SI: variants seen among roughly 807,000 people sequenced by gnomAD.
The protein encoded by SI is sucrase-isomaltase.
SI carries 235 observed loss-of-function variants against 253.3 expected under a neutral mutation model. That is an observed-to-expected ratio of 0.93 (90% CI 0.83 to 1.03). The LOEUF is 1.03. Among genes scored for constraint, SI ranks in the 50% least tolerant of loss-of-function variants. SI has a pLI of 0.00. For synonymous variants in SI, 819 were observed against 712.0 expected (o/e 1.15, Z -2.39); for missense variants, 2,442 against 2,211.1 (o/e 1.10, Z -2.09).
rs1444651507 is a variant in SI at position 165,006,918 on chromosome 3, G to C, written c.4304C>G (p.Thr1435Arg). Reference sequence around the variant, plus strand: ...AATCTGCTCAGCTTCCATGCAAATTGTTCTGAAATGTAATCCATCAGTTCT... The same window carrying C: ...AATCTGCTCAGCTTCCATGCAAATTCTTCTGAAATGTAATCCATCAGTTCT... ...TKRTDGLHFR[T>R]ICMEAEQILS... Residue 1435 changes from threonine (T) to arginine (R), a missense_variant, in exon 37 of 48, where the codon ACA becomes AGA. Transcript: ENST00000264382. 6.2e-7 allele frequency: 1 copy of C among 1,611,528 alleles called. No homozygotes were observed. The highest frequency in any genetic ancestry group is 1.7e-5 in the Admixed American group (1 of 59,960).
chr3:165,002,364 A>G (rs1224520955), intron 37 of SI, among the ~76,000 whole-genome samples: 3 of 151,778 alleles, frequency 2.0e-5, no homozygotes, highest in African/African-American at 7.2e-5. Context: ...ATTAGTGTCC[A>G]TGATTCTTTG....
At chr3:165,042,434 C>T (rs904214670) in intron 17 of SI, among the ~76,000 whole-genome samples, 1 of 152,022 alleles carries the variant, frequency 6.6e-6, no homozygotes, top group Non-Finnish European at 1.5e-5. Context: ...TTTTACTATT[C>T]TCTCCGAAAA....
At chr3:165,032,263 G>A (rs1050786896) in intron 24 of SI, among the ~76,000 whole-genome samples, 3 of 151,054 alleles carry the variant, frequency 2.0e-5, no homozygotes, top group Non-Finnish European at 4.4e-5. Flanking sequence ...CATATAATTA[G>A]AATGCATGAG....
At chr3:164,980,197 T>C (rs866980983) in intron 47 of SI, among the ~76,000 whole-genome samples, 2 of 151,866 alleles carry the variant, frequency 1.3e-5, no homozygotes, top group Non-Finnish European at 2.9e-5. Context: ...AAATTTAATC[T>C]TCCTTAAAGC....
intron 13 of SI, 99 bp from the exon 14 acceptor site, chr3:165,049,974 C>T (rs1381193840): frequency 1.3e-6 from 1 of 762,324 alleles, no homozygotes; most frequent in Middle Eastern, 3.1e-4. Flanking sequence ...TATAAGATAA[C>T]CATAATGCTC....
chr3:165,062,432 A>T lies in SI; in HGVS notation c.959T>A (p.Ile320Asn). 5 of 1,607,038 alleles carry T rather than the reference A, an allele frequency of 3.1e-6. No individual in the cohort carries two copies. The highest frequency in any genetic ancestry group is 3.4e-6 in the Non-Finnish European group (4 of 1,174,072). ...TCCTAGAAGGATGTAAAAATCCAGA[A>T]TGCCACCGGTAACTCTATATGTTAC... ...PIVTYRVTGG[I>N]LDFYILLGDT... The change falls in exon 9 of 48, where the codon ATT (isoleucine) becomes AAT (asparagine). Residue 320 changes from isoleucine (I) to asparagine (N), a missense_variant. Ile to Asn is a moderately radical substitution (Grantham distance 149). Transcript: ENST00000264382.
At chr3:164,999,605 A>C (rs1177722527) in intron 37 of SI, among the ~76,000 whole-genome samples, 1 of 151,696 alleles carries the variant, frequency 6.6e-6, no homozygotes, top group Non-Finnish European at 1.5e-5. Context: ...GTATTGAGTC[A>C]TTTCCTTGTT....
intron 22 of SI, 107 bp downstream of exon 22, chr3:165,036,282 A>C: frequency 1.3e-6 from 1 of 755,472 alleles, no homozygotes; most frequent in South Asian, 1.6e-5. Flanking sequence ...ATTAGGAATT[A>C]AAAATAAAAA....
At position 165,049,162 on chromosome 3, in the gene SI, G is replaced by A; in HGVS notation, c.1680C>T (p.Ser560=). ...CTATAGCCATGCTGTATCCATAGAG[G>A]CTATGAACATCATACTGTTTACCCC... ...QNWGKQYDVH[S]LYGYSMAIAT... is the part of the protein sequence containing the mutation. Residue 560 remains serine (S), a synonymous_variant, in exon 15 of 48, where the codon AGC becomes AGT. Coordinates refer to ENST00000264382, the MANE Select transcript of SI (RefSeq NM_001041.4). 6.2e-7 allele frequency: 1 copy of A among 1,607,816 alleles called. No individual in the cohort carries two copies.
chr3:164,979,529 A>G (rs145518894), intron 47 of SI, 99 bp from the exon 48 acceptor site: 159 of 658,798 alleles, frequency 2.4e-4, no homozygotes, highest in Non-Finnish European at 3.5e-4. Context: ...AATAGTATAT[A>G]CCTTTATTTT....
intron 4 of SI, 113 bp downstream of exon 4, chr3:165,068,965 T>C: frequency 9.6e-7 from 1 of 1,038,742 alleles, no homozygotes; most frequent in Non-Finnish European, 1.5e-6. Flanking sequence ...AAATAAGGAA[T>C]TTGAACATTC....
intron 13 of SI, among the ~76,000 whole-genome samples, chr3:165,050,458 T>A (rs1713370131): frequency 6.6e-6 from 1 of 152,124 alleles, no homozygotes; most frequent in Non-Finnish European, 1.5e-5. Context: ...TAAACATCTC[T>A]TGAAGAAATA....
intron 13 of SI, among the ~76,000 whole-genome samples, chr3:165,053,514 A>C (rs1297668081): frequency 6.6e-6 from 1 of 152,154 alleles, no homozygotes; most frequent in Non-Finnish European, 1.5e-5. Context: ...TATCCATGAT[A>C]TATATTAGTT....
intron 1 of SI, among the ~76,000 whole-genome samples, chr3:165,077,369 T>C (rs1220805265): frequency 1.3e-5 from 2 of 151,750 alleles, no homozygotes; most frequent in Non-Finnish European, 2.9e-5. Context: ...CAATTATTTA[T>C]GTATATGTTA....
intron 34 of SI, among the ~76,000 whole-genome samples, chr3:165,010,819 G>C (rs978451104): frequency 6.6e-6 from 1 of 152,104 alleles, no homozygotes; most frequent in African/African-American, 2.4e-5. Context: ...GCCATTCTAC[G>C]TAAATTGACA....
At chr3:165,067,595 G>A (rs1714314983) in intron 5 of SI, 104 bp from the exon 6 acceptor site, 1 of 1,017,242 alleles carries the variant, frequency 9.8e-7, no homozygotes, top group Non-Finnish European at 1.5e-6. Context: ...ATAACGTGGT[G>A]ATTAGTTTCA....
intron 37 of SI, among the ~76,000 whole-genome samples, chr3:165,004,227 T>C (rs1419868010): frequency 2.0e-5 from 3 of 152,126 alleles, no homozygotes; most frequent in Admixed American, 6.6e-5. Context: ...ATCAGAGAAA[T>C]GCAAATCACA....
intron 19 of SI, among the ~76,000 whole-genome samples, chr3:165,039,679 C>A (rs558656426): frequency 6.6e-6 from 1 of 151,980 alleles, no homozygotes; most frequent in South Asian, 2.1e-4. Context: ...TTCTTGTCCC[C>A]AGTTAGATAT....
intron 28 of SI, 136 bp from the exon 29 acceptor site, chr3:165,018,202 A>G: frequency 1.6e-6 from 1 of 635,758 alleles, no homozygotes; most frequent in Non-Finnish European, 2.8e-6. Context: ...ACTATGCTTC[A>G]GTTAAAATAA....
Sources: allele counts gnomAD v4.1 joint callset (sites outside exome capture counted in the v4.1 genomes callset), GRCh38; gene constraint gnomAD v4.1.1; transcripts MANE v1.5; gene names NCBI Gene and HGNC (gene_info 2026-07-23, HGNC 2026-07-21).